NLK: variants seen among roughly 807,000 people sequenced by gnomAD.
NLK encodes the protein nemo like kinase, also known as serine/threonine-protein kinase NLK.
In NLK, 11 loss-of-function variants were observed where a neutral mutation model predicts 59.0. The ratio of observed to expected loss-of-function variants is 0.19; its 90% CI spans 0.12 to 0.31. The LOEUF is 0.31. NLK is among the 10% of genes least tolerant of loss of function. The pLI, the probability that NLK is intolerant of heterozygous loss-of-function variation, is 1.00. For synonymous variants in NLK, 235 were observed against 235.9 expected, an observed-to-expected ratio of 1.00 and a Z score of 0.03; for missense variants, 410 against 661.1, an observed-to-expected ratio of 0.62 and a Z score of 4.16.
chr17:28,171,699 C>T (rs1908469159), intron 6 of NLK, among the ~76,000 whole-genome samples: 1 of 152,068 alleles, frequency 6.6e-6, no homozygotes, highest in African/African-American at 2.4e-5. Context: ...GGATTAGCAC[C>T]TTGGTGAGCC....
chr17:28,095,059 C>T (rs1904652310), intron 1 of NLK, among the ~76,000 whole-genome samples: 1 of 151,992 alleles, frequency 6.6e-6, no homozygotes, highest in African/African-American at 2.4e-5. Context: ...GTCTCCTTAC[C>T]AGAATAAAAT....
intron 8 of NLK, among the ~76,000 whole-genome samples, chr17:28,190,564 A>G (rs538834472): frequency 6.6e-5 from 10 of 152,152 alleles, no homozygotes; most frequent in African/African-American, 2.2e-4. Flanking sequence ...TTTTGCCATC[A>G]TCTGTTTGGT....
chr17:28,072,794 G>A (rs555995377), intron 1 of NLK, among the ~76,000 whole-genome samples: 4 of 151,878 alleles, frequency 2.6e-5, no homozygotes, highest in Admixed American at 6.6e-5. Flanking sequence ...TGCCTGGTCC[G>A]TTTTAATAGT....
intron 1 of NLK, among the ~76,000 whole-genome samples, 148 bp from the exon 2 acceptor site, chr17:28,122,439 GTACTCTTTTATCTTTC>G: frequency 6.6e-6 from 1 of 151,822 alleles, no homozygotes; most frequent in Non-Finnish European, 1.5e-5. Context: ...TTATAGATAT[GTACTCTTTTATCTTTC>G]TCACTGACAC....
intron 1 of NLK, among the ~76,000 whole-genome samples, chr17:28,090,740 G>A (rs1258431171): frequency 3.9e-5 from 6 of 151,908 alleles, no homozygotes; most frequent in South Asian, 2.1e-4. Context: ...TTTTTGCTGG[G>A]TATGCAATTT....
chr17:28,105,883 A>G (rs919830311), intron 1 of NLK, among the ~76,000 whole-genome samples: 1 of 152,240 alleles, frequency 6.6e-6, no homozygotes, highest in Non-Finnish European at 1.5e-5. Context: ...CCCAAAGCCA[A>G]AGCCATAGCC....
chr17:28,046,524 C>T (rs1597649875), intron 1 of NLK, among the ~76,000 whole-genome samples: 2 of 152,284 alleles, frequency 1.3e-5, no homozygotes, highest in African/African-American at 4.8e-5. Flanking sequence ...CCTCCAAACA[C>T]CCACATGGAC....
chr17:28,174,496 C>A (rs1273844109), intron 7 of NLK, among the ~76,000 whole-genome samples: 1 of 152,026 alleles, frequency 6.6e-6, no homozygotes. Flanking sequence ...GTTAGGAGGC[C>A]ATTTCCGCTT....
At chr17:28,169,271 C>A (rs957164820) in intron 6 of NLK, among the ~76,000 whole-genome samples, 5 of 152,158 alleles carry the variant, frequency 3.3e-5, no homozygotes, top group Non-Finnish European at 5.9e-5. Context: ...TGTTAGAAGG[C>A]CTCTCTTCCT....
intron 7 of NLK, among the ~76,000 whole-genome samples, chr17:28,183,986 A>AT (rs1567740115): frequency 6.6e-6 from 1 of 152,230 alleles, no homozygotes; most frequent in Non-Finnish European, 1.5e-5. Flanking sequence ...CAATGATGCC[A>AT]TTTACCTGCT....
chr17:28,139,076 C>T (rs1413472201), intron 3 of NLK, among the ~76,000 whole-genome samples: 13 of 152,148 alleles, frequency 8.5e-5, no homozygotes, highest in African/African-American at 2.6e-4. Flanking sequence ...GCCAACATGG[C>T]GAAACCCCGT....
chr17:28,047,050 C>G (rs1237217420), intron 1 of NLK, among the ~76,000 whole-genome samples: 2 of 152,014 alleles, frequency 1.3e-5, no homozygotes, highest in African/African-American at 4.8e-5. Context: ...TCTGTGATCT[C>G]GATAAATTAT....
At position 28,062,928 on chromosome 17, in the gene NLK, G is replaced by A. The variant is rs372671276; in HGVS notation, c.458+19597G>A. Among the ~76,000 whole-genome samples, 14 of 152,068 alleles carry A rather than the reference G, an allele frequency of 9.2e-5. 1 individual carries two copies. Among genetic ancestry groups the A allele is most frequent in the Admixed American group, 3.9e-4 (6 of 15,250 alleles). Reference sequence around the variant, plus strand: ...AATTATTAAATTAAGACAGATTGACGATATTTTTATTTTTTATTTTGGTTT... The same window carrying A: ...AATTATTAAATTAAGACAGATTGACAATATTTTTATTTTTTATTTTGGTTT... On this transcript the variant is annotated intron_variant, in intron 1 of 10. Transcript: ENST00000407008.
chr17:28,147,058 C>T (rs1357262263), intron 3 of NLK, among the ~76,000 whole-genome samples: 3 of 152,148 alleles, frequency 2.0e-5, no homozygotes, highest in Non-Finnish European at 4.4e-5. Context: ...TGCCCTCTCT[C>T]CTTGATTTTT....
chr17:28,139,490 A>G (rs776810278), intron 3 of NLK, among the ~76,000 whole-genome samples: 1 of 152,240 alleles, frequency 6.6e-6, no homozygotes, highest in Non-Finnish European at 1.5e-5. Flanking sequence ...CCAGGAACAG[A>G]TAAATTCCTG....
At chr17:28,131,887 A>G (rs1906534708) in intron 2 of NLK, among the ~76,000 whole-genome samples, 1 of 152,160 alleles carries the variant, frequency 6.6e-6, no homozygotes, top group Non-Finnish European at 1.5e-5. Context: ...GTATGATTTA[A>G]AGAGACTTTG....
At chr17:28,148,334 CT>C (rs535730737) in intron 3 of NLK, among the ~76,000 whole-genome samples, 1 of 150,602 alleles carries the variant, frequency 6.6e-6, no homozygotes, top group South Asian at 2.1e-4. Flanking sequence ...TATGCACTAA[CT>C]TTTTAGTTCT....
chr17:28,156,347 A>C (rs989659020), intron 3 of NLK, among the ~76,000 whole-genome samples: 2 of 152,228 alleles, frequency 1.3e-5, no homozygotes, highest in African/African-American at 4.8e-5. Context: ...TTAAATGTGA[A>C]TTTCTAACAG....
intron 5 of NLK, 58 bp from the exon 6 acceptor site, chr17:28,168,390 T>C: frequency 7.5e-7 from 1 of 1,330,488 alleles, no homozygotes; most frequent in Admixed American, 1.8e-5. Context: ...TTTGATGTTT[T>C]GTTTTACTCT....
Sources: gnomAD v4.1 joint callset for allele counts (sites outside exome capture counted in the v4.1 genomes callset) on GRCh38, gnomAD v4.1.1 for gene constraint, MANE v1.5 for transcripts, NCBI Gene and HGNC (gene_info 2026-07-23, HGNC 2026-07-21) for gene names.